Variants in TNR observed in about 807,000 individuals in gnomAD.
The protein encoded by TNR is tenascin-R.
A neutral mutation model predicts 150.4 loss-of-function variants in TNR; 45 were observed. That is an observed-to-expected ratio of 0.30 (90% CI 0.24 to 0.38). TNR has a LOEUF of 0.38. Ranked by LOEUF, TNR falls within the 10% of genes least tolerant of loss-of-function variation. The pLI is 1.00. For synonymous variants in TNR, 687 were observed against 678.4 expected (o/e 1.01, Z -0.20); for missense variants, 1,544 against 1,759.1 (o/e 0.88, Z 2.19).
chr1:175,619,976 T>G (rs543905677), intron 1 of TNR, among the ~76,000 whole-genome samples: 1 of 152,190 alleles, frequency 6.6e-6, no homozygotes, highest in East Asian at 1.9e-4. Context: ...ATCTATAAAA[T>G]GGGATTAATA....
At chr1:175,546,774 C>T (rs2102194863) in intron 1 of TNR, among the ~76,000 whole-genome samples, 1 of 152,244 alleles carries the variant, frequency 6.6e-6, no homozygotes, top group East Asian at 1.9e-4. Context: ...AGTCTGAAGA[C>T]TTCTTTCCAT....
intron 1 of TNR, among the ~76,000 whole-genome samples, chr1:175,667,178 T>C (rs546820784): frequency 6.6e-6 from 1 of 152,284 alleles, no homozygotes; most frequent in South Asian, 2.1e-4. Flanking sequence ...GACATCTTCC[T>C]TCACTCCCTA....
chr1:175,404,619 C>T (rs939174143), intron 3 of TNR, among the ~76,000 whole-genome samples: 3 of 152,138 alleles, frequency 2.0e-5, no homozygotes, highest in Non-Finnish European at 2.9e-5. Flanking sequence ...CACTTCATGC[C>T]GCCCCCATGA....
Position 175,322,189 on chromosome 1 carries a change from T to C in TNR, c.*1168A>G, listed in dbSNP as rs1378709085. ...CCAAAAGTGCTAAAAACTACAACCATCTCCCCCTCCTACCTTTGCAGAAAG... is the reference window on the plus strand; with the variant it reads ...CCAAAAGTGCTAAAAACTACAACCACCTCCCCCTCCTACCTTTGCAGAAAG... On this transcript the variant is annotated 3_prime_UTR_variant, in exon 23 of 23. Coordinates refer to ENST00000367674, the MANE Select transcript of TNR (RefSeq NM_003285.3). The C allele has an allele frequency of 5.3e-5, 8 of 152,170 alleles. No homozygotes were observed. In the East Asian group the frequency reaches 1.5e-3, roughly 29 times the overall value. 9.4% of individuals were successfully genotyped at this position (152,170 alleles called of 1,614,324 possible). A position where few individuals can be genotyped will look rare whatever the true frequency, so the allele number is the denominator to read the frequency against.
intron 1 of TNR, among the ~76,000 whole-genome samples, chr1:175,664,800 A>G (rs1665485768): frequency 1.3e-5 from 2 of 152,250 alleles, no homozygotes; most frequent in South Asian, 4.1e-4. Flanking sequence ...CAGACTGACA[A>G]AAATCAAAGG....
At position 175,379,561 on chromosome 1, in the gene TNR, T is replaced by C; in HGVS notation, c.1954A>G (p.Thr652Ala). 1.2e-6 allele frequency: 2 copies of C among 1,613,020 alleles called. No individual in the cohort carries two copies. Among genetic ancestry groups the C allele is most frequent in the East Asian group, 2.2e-5 (1 of 44,880 alleles). Residue 652 changes from threonine (T) to alanine (A), a missense_variant, in exon 9 of 23, where the codon ACC becomes GCC. Thr to Ala is a moderately conservative substitution (Grantham distance 58). This residue lies in a region of TNR where 1,254 missense variants were observed against 1,329.4 expected (regional missense o/e 0.94). Transcript: ENST00000367674. Reference protein sequence around the residue: ...PRGIGPTTRATLTDLVPGTEY... With the variant: ...PRGIGPTTRAALTDLVPGTEY... The stretch of plus-strand genomic sequence containing the variant: ...GATAGGTCTTACTCACCTGTCAGGG[T>C]GGCCCTGGTGGTTGGACCAATGCCC...
chr1:175,724,401 A>C (rs1356300125), intron 1 of TNR, among the ~76,000 whole-genome samples: 4 of 152,162 alleles, frequency 2.6e-5, no homozygotes, highest in Non-Finnish European at 5.9e-5. Context: ...GTGAGAACTC[A>C]CTCACTATAA....
rs66777686 is a variant in TNR at position 175,742,963 on chromosome 1, T to TACACACACACAC, written c.-165+251_-165+262dup. 4.5e-3 allele frequency among the ~76,000 whole-genome samples: 661 copies of TACACACACACAC among 147,894 alleles called. 4 individuals are homozygous for TACACACACACAC. Among genetic ancestry groups the TACACACACACAC allele is most frequent in the African/African-American group, 0.012 (492 of 39,842 alleles). ...AGACCTCACCTGTCTTATGCAACAG[T>TACACACACACAC]ACACACACACACACACACACACACA... On this transcript the variant is annotated intron_variant, in intron 1 of 22. Transcript: ENST00000367674.
At chr1:175,459,857 T>C (rs1656737406) in intron 2 of TNR, among the ~76,000 whole-genome samples, 1 of 124,542 alleles carries the variant, frequency 8.0e-6, no homozygotes, top group African/African-American at 3.4e-5. Context: ...CATCTCCTAT[T>C]GAAATGAAAG....
intron 8 of TNR, among the ~76,000 whole-genome samples, chr1:175,382,111 A>G (rs1652710997): frequency 6.6e-6 from 1 of 152,188 alleles, no homozygotes; most frequent in Non-Finnish European, 1.5e-5. Flanking sequence ...TTCGCTTTTC[A>G]TTATAGTACT....
intron 2 of TNR, among the ~76,000 whole-genome samples, chr1:175,460,437 T>G (rs1656762542): frequency 6.6e-6 from 1 of 151,836 alleles, no homozygotes; most frequent in Non-Finnish European, 1.5e-5. Flanking sequence ...AAAACCTGAT[T>G]CTCTGCAGTT....
chr1:175,346,206 G>A (rs959711188), intron 18 of TNR, among the ~76,000 whole-genome samples: 1 of 152,176 alleles, frequency 6.6e-6, no homozygotes, highest in African/African-American at 2.4e-5. Flanking sequence ...AAGTTCTAGA[G>A]ATGTGAAAAG....
intron 1 of TNR, among the ~76,000 whole-genome samples, chr1:175,577,943 G>A (rs569016857): frequency 3.3e-5 from 5 of 152,272 alleles, no homozygotes; most frequent in East Asian, 3.9e-4. Flanking sequence ...GACCTTGAGC[G>A]AGTTATTTCA....
rs115764139 is a variant in TNR at position 175,690,324 on chromosome 1, T to C, written c.-165+52902A>G. 1.4e-3 allele frequency among the ~76,000 whole-genome samples: 207 copies of C among 152,360 alleles called. 1 individual carries two copies. The highest frequency in any genetic ancestry group is 4.8e-3 in the African/African-American group (201 of 41,582). On this transcript the variant is annotated intron_variant, in intron 1 of 22. Coordinates refer to ENST00000367674, the MANE Select transcript of TNR (RefSeq NM_003285.3). ...CATCATAAGAGAATCAACAAATGTT[T>C]ACACAAGAACATATGATCTGGTGAC...
chr1:175,574,338 T>C (rs1662015753), intron 1 of TNR, among the ~76,000 whole-genome samples: 1 of 152,070 alleles, frequency 6.6e-6, no homozygotes, highest in Non-Finnish European at 1.5e-5. Context: ...CTCCTGTGGT[T>C]TTAAGAAAAG....
intron 2 of TNR, among the ~76,000 whole-genome samples, chr1:175,472,121 G>C (rs1476991767): frequency 2.0e-5 from 3 of 152,090 alleles, no homozygotes; most frequent in Non-Finnish European, 4.4e-5. Flanking sequence ...CTGGATGATG[G>C]AGCAAGACCC....
At chr1:175,392,619 C>T (rs953894404) in intron 6 of TNR, among the ~76,000 whole-genome samples, 6 of 152,102 alleles carry the variant, frequency 3.9e-5, no homozygotes, top group Non-Finnish European at 5.9e-5. Context: ...ATCATTTTAA[C>T]TCAAATAGGA....
At chr1:175,655,515 C>A (rs1665145284) in intron 1 of TNR, among the ~76,000 whole-genome samples, 1 of 152,220 alleles carries the variant, frequency 6.6e-6, no homozygotes, top group Non-Finnish European at 1.5e-5. Flanking sequence ...CTCCTCACTC[C>A]ATTCTCTTTC....
At position 175,600,741 on chromosome 1, in the gene TNR, C is replaced by T. The variant is rs114406335; in HGVS notation, c.-164-72372G>A. ...GGAAGGAGCTCATTTAAAAAATTTT[C>T]AACAACTTACCTTACGGGCTTTCAG... On this transcript the variant is annotated intron_variant, in intron 1 of 22. Transcript: ENST00000367674. 6.0e-3 allele frequency among the ~76,000 whole-genome samples: 917 copies of T among 152,336 alleles called. 10 individuals carry two copies. The highest frequency in any genetic ancestry group is 0.021 in the African/African-American group (876 of 41,564).
Sources: gnomAD v4.1 joint callset for allele counts (sites outside exome capture counted in the v4.1 genomes callset) on GRCh38, gnomAD v4.1.1 for gene constraint, gnomAD v4.1.1 regional missense constraint, MANE v1.5 for transcripts, NCBI Gene and HGNC (gene_info 2026-07-23, HGNC 2026-07-21) for gene names.